Variants in DLGAP3 observed in about 807,000 individuals in gnomAD.
DLGAP3 encodes disks large-associated protein 3.
DLGAP3 carries 17 observed loss-of-function variants against 81.2 expected under a neutral mutation model. That is an observed-to-expected ratio of 0.21 (90% CI 0.14 to 0.31). DLGAP3 has a LOEUF of 0.31. Among genes scored for constraint, DLGAP3 ranks in the 10% least tolerant of loss-of-function variants. The probability of loss-of-function intolerance (pLI) is 1.00; values close to 1 mark genes in which losing one functional copy is unlikely to be tolerated. For missense variants in DLGAP3, 1,124 were observed against 1,388.0 expected, an observed-to-expected ratio of 0.81 and a Z score of 3.02; for synonymous variants, 577 against 587.4, an observed-to-expected ratio of 0.98 and a Z score of 0.26.
intron 8 of DLGAP3, among the ~76,000 whole-genome samples, chr1:34,879,315 T>G (rs1178682432): frequency 6.6e-6 from 1 of 152,184 alleles, no homozygotes; most frequent in Non-Finnish European, 1.5e-5. Context: ...TATCAAACAT[T>G]AGATTCTCAT....
intron 5 of DLGAP3, among the ~76,000 whole-genome samples, chr1:34,899,337 G>A (rs1639421413): frequency 6.6e-6 from 1 of 152,166 alleles, no homozygotes. Flanking sequence ...CAAAGTGCTG[G>A]GATCACAGGC....
At position 34,902,948 on chromosome 1, in the gene DLGAP3, C is replaced by T. The variant is rs895831377; in HGVS notation, c.1107+1329G>A. ...CTGCAGTTCCCAGCTTAGAGCACCT[C>T]CCTACCCAGGGAGGGGGCAAACCAG... On this transcript the variant is annotated intron_variant, in intron 3 of 11. Transcript: ENST00000373347. The surrounding 1 kb of genome is among the most constrained non-coding windows in gnomAD (Gnocchi z 4.4). Among the ~76,000 whole-genome samples the T allele has an allele frequency of 6.6e-6, 1 of 152,060 alleles. No individual in the cohort carries two copies. The highest frequency in any genetic ancestry group is 1.5e-5 in the Non-Finnish European group (1 of 67,984).
chr1:34,869,714 T>G (rs1638951491), intron 8 of DLGAP3, among the ~76,000 whole-genome samples: 1 of 152,068 alleles, frequency 6.6e-6, no homozygotes, highest in South Asian at 2.1e-4. Flanking sequence ...GACCTCAGGT[T>G]ATCCACCCGC....
At chr1:34,866,924 C>A in intron 11 of DLGAP3, 124 bp downstream of exon 11, 1 of 1,155,716 alleles carries the variant, frequency 8.7e-7, no homozygotes, top group Non-Finnish European at 1.3e-6. Flanking sequence ...ATCACCTGTC[C>A]AAGGCTGCCC....
At chr1:34,884,889 T>C (rs1290609595) in intron 8 of DLGAP3, 89 bp downstream of exon 8, 6 of 1,020,036 alleles carry the variant, frequency 5.9e-6, no homozygotes, top group Non-Finnish European at 9.3e-6. Context: ...AAAGAGGATG[T>C]GCAGGGAGAC....
intron 1 of DLGAP3, among the ~76,000 whole-genome samples, chr1:34,924,624 T>G (rs763463785): frequency 2.6e-5 from 4 of 152,088 alleles, no homozygotes; most frequent in African/African-American, 4.8e-5. Flanking sequence ...TGGGACCCAG[T>G]AGGTGAAAGG....
intron 8 of DLGAP3, among the ~76,000 whole-genome samples, chr1:34,883,873 T>G (rs991969906): frequency 6.6e-6 from 1 of 151,920 alleles, no homozygotes; most frequent in South Asian, 2.1e-4. Flanking sequence ...GGACAGCAAC[T>G]GGGAACAGAG....
intron 11 of DLGAP3, 83 bp downstream of exon 11, chr1:34,866,965 C>T: frequency 1.3e-6 from 2 of 1,532,776 alleles, no homozygotes; most frequent in East Asian, 2.2e-5. Flanking sequence ...CCCCTGCCCC[C>T]TTGTTCGTCC....
At position 34,868,638 on chromosome 1, in the gene DLGAP3, G is replaced by A. The variant is rs748928423; in HGVS notation, c.2452C>T (p.Arg818Cys). 1.2e-5 allele frequency: 19 copies of A among 1,612,784 alleles called. No homozygotes were observed. The South Asian group carries it at 1.2e-4, about 10-fold the overall frequency. ...KLEHWCQQME[R>C]EAEDYELPEE... Reference sequence around the variant, plus strand: ...GGTAGCTCATAGTCCTCCGCCTCACGCTCCATCTGCTGGCACCAGTGCTCC... The same window carrying A: ...GGTAGCTCATAGTCCTCCGCCTCACACTCCATCTGCTGGCACCAGTGCTCC... Residue 818 changes from arginine to cysteine, a missense_variant, in exon 9 of 12, where the codon CGT becomes TGT. Physicochemically the swap from Arg to Cys is radical, Grantham distance 180. Transcript: ENST00000373347. The surrounding 1 kb of genome is among the most constrained non-coding windows in gnomAD (Gnocchi z 7.5).
intron 8 of DLGAP3, among the ~76,000 whole-genome samples, chr1:34,878,383 T>C (rs2148397660): frequency 6.8e-6 from 1 of 148,010 alleles, no homozygotes; most frequent in East Asian, 2.0e-4. Context: ...AATAAAAGGA[T>C]GGAAAAAGAT....
At position 34,866,138 on chromosome 1, in the gene DLGAP3, G is replaced by A. The variant is rs1176784068; in HGVS notation, c.2885C>T (p.Thr962Ile). ...GATCTCGATGCTGTCGGCGCTCTCGGTGGCCGAGCTGTGGCGGAAGGAAGC... is the reference window on the plus strand; with the variant it reads ...GATCTCGATGCTGTCGGCGCTCTCGATGGCCGAGCTGTGGCGGAAGGAAGC... ...RAASFRHSSATESADSIEIYI... is the reference protein window; with the variant it reads ...RAASFRHSSAIESADSIEIYI... The change falls in exon 12 of 12, where the codon ACC becomes ATC. Residue 962 changes from threonine to isoleucine, a missense_variant. Thr to Ile is a moderately conservative substitution (Grantham distance 89, BLOSUM62 -1). Transcript: ENST00000373347. The A allele has an allele frequency of 6.3e-7, 1 of 1,595,884 alleles. No individual in the cohort carries two copies. Among genetic ancestry groups the A allele is most frequent in the Non-Finnish European group, 8.5e-7 (1 of 1,177,730 alleles).
In DLGAP3 at chr1:34,873,369, G is replaced by C. The variant is rs796381417; in HGVS notation, c.2001-4280C>G. 3.3e-5 allele frequency among the ~76,000 whole-genome samples: 5 copies of C among 152,224 alleles called. No homozygotes were observed. The highest frequency in any genetic ancestry group is 1.2e-4 in the African/African-American group (5 of 41,456). ...GGAATGAAAATGAGCAGCTTTGGGT[G>C]GGGGCAGCGGAACAGAGCGGTTAGG... On this transcript the variant is annotated intron_variant, in intron 8 of 11. Coordinates refer to ENST00000373347, the MANE Select transcript of DLGAP3 (RefSeq NM_001080418.3). The surrounding 1 kb of genome is among the most constrained non-coding windows in gnomAD (Gnocchi z 4.2).
intron 5 of DLGAP3, among the ~76,000 whole-genome samples, chr1:34,896,719 T>C (rs886240449): frequency 1.3e-5 from 2 of 151,982 alleles, no homozygotes; most frequent in Admixed American, 6.6e-5. Flanking sequence ...ATTATAAGGG[T>C]AACCACAAAG....
intron 1 of DLGAP3, among the ~76,000 whole-genome samples, chr1:34,923,198 C>A (rs1049094204): frequency 6.6e-6 from 1 of 152,190 alleles, no homozygotes; most frequent in Non-Finnish European, 1.5e-5. Flanking sequence ...CTAACACTCT[C>A]AAACTCCAAA....
chr1:34,925,418 G>C (rs1009101075), intron 1 of DLGAP3: 2 of 152,640 alleles, frequency 1.3e-5, no homozygotes, highest in African/African-American at 4.8e-5. Flanking sequence ...GGGGGAGGCA[G>C]AGAGAGGTAG....
At position 34,883,928 on chromosome 1, in the gene DLGAP3, G is replaced by T. The variant is rs577781533; in HGVS notation, c.2000+1050C>A. On this transcript the variant is annotated intron_variant, in intron 8 of 11. Transcript: ENST00000373347. ...GTGGGACACTGGTTTTTTGTGTTTT[G>T]GGTTTTTTTTGAGATAGTCTCACTC... Among the ~76,000 whole-genome samples, 262 of 151,992 alleles carry T rather than the reference G, an allele frequency of 1.7e-3. 7 individuals carry two copies. The highest frequency in any genetic ancestry group is 5.8e-3 in the African/African-American group (241 of 41,358).
rs746339777 is a variant in DLGAP3, at chr1:34,895,285, G to A, written c.1386+4384C>T. 3.0e-4 allele frequency among the ~76,000 whole-genome samples: 46 copies of A among 151,412 alleles called. No homozygotes were observed. The highest frequency in any genetic ancestry group is 5.2e-4 in the Non-Finnish European group (35 of 67,870). On this transcript the variant is annotated intron_variant, in intron 5 of 11. Coordinates refer to ENST00000373347, the MANE Select transcript of DLGAP3 (RefSeq NM_001080418.3). The surrounding 1 kb of genome is among the most constrained non-coding windows in gnomAD (Gnocchi z 4.5). ...CCGGAGACTGAGGCAGAAGAATGGC[G>A]TGAACCCAGGAAGCGGAGCTTGCAG...
chr1:34,874,618 C>T (rs1251977223), intron 8 of DLGAP3, among the ~76,000 whole-genome samples: 1 of 152,112 alleles, frequency 6.6e-6, no homozygotes, highest in African/African-American at 2.4e-5. Flanking sequence ...GATGATAATG[C>T]AAGTTGTTAT....
chr1:34,866,824 G>A (rs548695903), intron 11 of DLGAP3, among the ~76,000 whole-genome samples: 1 of 152,348 alleles, frequency 6.6e-6, no homozygotes, highest in East Asian at 1.9e-4. Flanking sequence ...GAAGCCTTGG[G>A]GTTCTGGCAG....
Sources: allele counts gnomAD v4.1 joint callset (sites outside exome capture counted in the v4.1 genomes callset), GRCh38; gene constraint gnomAD v4.1.1; non-coding constraint Gnocchi (gnomAD v3.1); transcripts MANE v1.5; gene names NCBI Gene and HGNC (gene_info 2026-07-23, HGNC 2026-07-21).